The following CUX1 variants were observed in gnomAD, a reference collection of about 807,000 sequenced individuals.
CUX1 encodes protein CASP.
A neutral mutation model predicts 158.8 loss-of-function variants in CUX1; 31 were observed. The observed-to-expected ratio is 0.20, with a 90% confidence interval of 0.15 to 0.26. CUX1 has a LOEUF of 0.26. Ranked by LOEUF, CUX1 falls within the 10% of genes least tolerant of loss-of-function variation. The pLI, the probability that CUX1 is intolerant of heterozygous loss-of-function variation, is 1.00. For synonymous variants in CUX1, 879 were observed against 862.1 expected (o/e 1.02, Z -0.34); for missense variants, 1,589 against 2,014.6 (o/e 0.79, Z 4.04).
At chr7:102,117,845 G>A (rs1554492289) in intron 8 of CUX1, among the ~76,000 whole-genome samples, 2 of 152,204 alleles carry the variant, frequency 1.3e-5, no homozygotes, top group African/African-American at 4.8e-5. Flanking sequence ...TTGCCTGTGG[G>A]GTAGGATGGG....
chr7:102,140,705 C>CA (rs1196862164), intron 8 of CUX1, among the ~76,000 whole-genome samples: 8 of 150,970 alleles, frequency 5.3e-5, no homozygotes, highest in Admixed American at 2.6e-4. Flanking sequence ...ACTAAAAATA[C>CA]AAAAAAAAAT....
chr7:102,042,115 C>T (rs1445729060), intron 3 of CUX1, among the ~76,000 whole-genome samples: 2 of 152,008 alleles, frequency 1.3e-5, no homozygotes, highest in African/African-American at 4.8e-5. Flanking sequence ...CAGTACTTGC[C>T]TAAATACTGC....
rs558648981 is a variant in CUX1, at chr7:101,900,686, T to G, written c.31-15429T>G. Among the ~76,000 whole-genome samples the G allele has an allele frequency of 1.9e-4, 29 of 152,240 alleles. 1 individual carries two copies. The South Asian group carries it at 6.0e-3, about 32-fold the overall frequency. On this transcript the variant is annotated intron_variant, in intron 1 of 23. Coordinates refer to ENST00000292535, the MANE Select transcript of CUX1 (RefSeq NM_181552.4). ...GCTTTCTGGAGTTTTTATTTGCTAA[T>G]TAAAATGTGAGAAGGGAACACAGCC...
chr7:102,275,884 C>G (rs937653244), intron 17 of CUX1, among the ~76,000 whole-genome samples: 1 of 152,088 alleles, frequency 6.6e-6, no homozygotes, highest in Admixed American at 6.5e-5. Context: ...TGGCGGGCAC[C>G]TGTAGTCCCA....
At chr7:102,060,353 C>T (rs760749455) in intron 3 of CUX1, among the ~76,000 whole-genome samples, 1 of 151,666 alleles carries the variant, frequency 6.6e-6, no homozygotes, top group Non-Finnish European at 1.5e-5. Context: ...GATTTGATCA[C>T]GACGGGGAAT....
chr7:102,173,680 A>G (rs1791977257), intron 10 of CUX1, among the ~76,000 whole-genome samples: 1 of 152,214 alleles, frequency 6.6e-6, no homozygotes, highest in South Asian at 2.1e-4. Context: ...GTTGAAAAGA[A>G]TTCTGGCACT....
intron 1 of CUX1, among the ~76,000 whole-genome samples, chr7:101,897,543 A>C (rs1801652710): frequency 6.6e-6 from 1 of 152,058 alleles, no homozygotes; most frequent in African/African-American, 2.4e-5. Flanking sequence ...AAAAGAAAAA[A>C]GTAGAGGTTC....
chr7:101,970,651 G>A (rs1192236669), intron 2 of CUX1, among the ~76,000 whole-genome samples: 1 of 152,134 alleles, frequency 6.6e-6, no homozygotes, highest in African/African-American at 2.4e-5. Flanking sequence ...GGCCTCCCAG[G>A]TTCAGGCATT....
Position 101,886,924 on chromosome 7 carries a change from A to C in CUX1, c.31-29191A>C, listed in dbSNP as rs183584567. 6.2e-4 allele frequency among the ~76,000 whole-genome samples: 94 copies of C among 152,298 alleles called. 1 individual carries two copies. The highest frequency in any genetic ancestry group is 2.0e-4 in the Admixed American group (3 of 15,308). On this transcript the variant is annotated intron_variant, in intron 1 of 23. Coordinates refer to ENST00000292535, the MANE Select transcript of CUX1 (RefSeq NM_181552.4). Reference sequence around the variant, plus strand: ...GGTAGATGCTGCTTCACCAGCAACAAGAGGAGCCCCCAGACCTCAGCCACA... The same window carrying C: ...GGTAGATGCTGCTTCACCAGCAACACGAGGAGCCCCCAGACCTCAGCCACA...
chr7:102,257,185 G>A lies in CUX1; in HGVS notation c.*8143G>A. 1.0e-6 allele frequency: 1 copy of A among 985,332 alleles called. No homozygotes were observed. Among genetic ancestry groups the A allele is most frequent in the Non-Finnish European group, 1.2e-6 (1 of 829,914 alleles). The allele number at this position is 985,332 out of a possible 1,614,324, so 61.0% of individuals were successfully genotyped here. On this transcript the variant is annotated 3_prime_UTR_variant, in exon 24 of 24. Transcript: ENST00000292535. ...GCCCTGCTCACCCCAAGGTAGGCTG[G>A]GAAGAGCATCTCTTTCCATATCATC...
intron 8 of CUX1, among the ~76,000 whole-genome samples, chr7:102,129,134 C>T (rs1299601307): frequency 1.3e-5 from 2 of 152,164 alleles, no homozygotes; most frequent in Non-Finnish European, 2.9e-5. Context: ...TCTTCCCACT[C>T]TTAAGAATTA....
chr7:102,055,151 T>C (rs1344529989), intron 3 of CUX1, among the ~76,000 whole-genome samples: 1 of 152,246 alleles, frequency 6.6e-6, no homozygotes, highest in East Asian at 1.9e-4. Flanking sequence ...AGTTTTGTAT[T>C]TCTTTTGCCA....
intron 2 of CUX1, among the ~76,000 whole-genome samples, chr7:101,984,775 TTAAAAA>T (rs1426170230): frequency 7.2e-5 from 11 of 152,294 alleles, no homozygotes; most frequent in Admixed American, 1.3e-4. Context: ...ATGAGCACTG[TTAAAAA>T]TAAACCGCGC....
chr7:101,977,219 C>G (rs761470658), intron 2 of CUX1, among the ~76,000 whole-genome samples: 4 of 152,058 alleles, frequency 2.6e-5, no homozygotes, highest in Non-Finnish European at 5.9e-5. Flanking sequence ...AGCACCCTTC[C>G]TGATTTCCAT....
intron 1 of CUX1, among the ~76,000 whole-genome samples, chr7:101,876,414 C>T (rs1244500231): frequency 2.7e-5 from 4 of 148,896 alleles, no homozygotes; most frequent in African/African-American, 7.4e-5. Flanking sequence ...AAATATCTTT[C>T]GGCTGGGCGC....
At chr7:101,936,545 A>T (rs558216316) in intron 2 of CUX1, among the ~76,000 whole-genome samples, 1 of 152,102 alleles carries the variant, frequency 6.6e-6, no homozygotes, top group African/African-American at 2.4e-5. Context: ...CATAGGAGAA[A>T]AGGTTATCCT....
chr7:102,217,700 T>C (rs558592553), intron 20 of CUX1, among the ~76,000 whole-genome samples: 1 of 145,760 alleles, frequency 6.9e-6, no homozygotes, highest in South Asian at 2.2e-4. Flanking sequence ...CGATGGTGTC[T>C]AGAGGGAGGG....
At chr7:102,245,387 A>G (rs1243860152) in intron 23 of CUX1, among the ~76,000 whole-genome samples, 1 of 152,144 alleles carries the variant, frequency 6.6e-6, no homozygotes, top group Non-Finnish European at 1.5e-5. Flanking sequence ...TAGTCCCTCC[A>G]TCAGCACCCA....
At chr7:101,934,724 C>T (rs1806715531) in intron 2 of CUX1, among the ~76,000 whole-genome samples, 1 of 152,074 alleles carries the variant, frequency 6.6e-6, no homozygotes, top group African/African-American at 2.4e-5. Context: ...AGTTTTGTGT[C>T]CCAGAAAGCG....
Sources: gnomAD v4.1 joint callset for allele counts (sites outside exome capture counted in the v4.1 genomes callset) on GRCh38, gnomAD v4.1.1 for gene constraint, MANE v1.5 for transcripts, NCBI Gene and HGNC (gene_info 2026-07-23, HGNC 2026-07-21) for gene names.